AGBL4: variants seen among roughly 807,000 people sequenced by gnomAD.
AGBL4 encodes the protein cytosolic carboxypeptidase 6.
A neutral mutation model predicts 66.4 loss-of-function variants in AGBL4; 58 were observed. The ratio of observed to expected loss-of-function variants is 0.87; its 90% CI spans 0.71 to 1.09. AGBL4 has a LOEUF of 1.09. AGBL4 is among the 50% of genes least tolerant of loss of function. AGBL4 has a pLI of 0.00. For missense variants in AGBL4, 579 were observed against 631.0 expected (o/e 0.92, Z 0.88); for synonymous variants, 234 against 222.9 (o/e 1.05, Z -0.44).
At chr1:48,580,929 T>C (rs1022821249) in intron 11 of AGBL4, among the ~76,000 whole-genome samples, 1 of 152,080 alleles carries the variant, frequency 6.6e-6, no homozygotes, top group Admixed American at 6.6e-5. Context: ...CCCTCTGCAT[T>C]CCATTCATCC....
rs1044503257 is a variant in AGBL4 at position 48,650,326 on chromosome 1, C to A, written c.839+3011G>T. Among the ~76,000 whole-genome samples the A allele has an allele frequency of 2.6e-5, 4 of 152,316 alleles. No homozygotes were observed. In the South Asian group the frequency reaches 8.3e-4, roughly 32 times the overall value. On this transcript the variant is annotated intron_variant, in intron 8 of 13. Transcript: ENST00000371839. ...GAGGGAGATGTTGAGAGAATGAAAG[C>A]TAAAGAGCATGAGAGAGAGGCAAAG...
chr1:49,370,928 G>A (rs1644327811), intron 3 of AGBL4, among the ~76,000 whole-genome samples: 1 of 152,104 alleles, frequency 6.6e-6, no homozygotes, highest in Non-Finnish European at 1.5e-5. Flanking sequence ...TAATGTGGGT[G>A]GGCCTCATCC....
intron 4 of AGBL4, among the ~76,000 whole-genome samples, chr1:49,089,524 G>A (rs931835385): frequency 4.2e-4 from 64 of 151,852 alleles, no homozygotes; most frequent in African/African-American, 1.5e-3. Flanking sequence ...TTCTTGAAAT[G>A]TCTATACAAG....
chr1:49,281,207 C>A (rs1644265296), intron 3 of AGBL4, among the ~76,000 whole-genome samples: 1 of 152,156 alleles, frequency 6.6e-6, no homozygotes, highest in Non-Finnish European at 1.5e-5. Context: ...CTCTCTCACA[C>A]AAAATTTGGT....
chr1:49,799,939 G>A (rs1426431959), intron 2 of AGBL4, among the ~76,000 whole-genome samples: 1 of 151,994 alleles, frequency 6.6e-6, no homozygotes, highest in Non-Finnish European at 1.5e-5. Flanking sequence ...AATATTGAGA[G>A]GTTTGCAGGA....
intron 6 of AGBL4, among the ~76,000 whole-genome samples, chr1:48,802,033 T>A (rs1322481312): frequency 6.6e-6 from 1 of 152,170 alleles, no homozygotes; most frequent in Admixed American, 6.5e-5. Flanking sequence ...AAATGAGCTA[T>A]GTTAATTTCC....
At chr1:49,622,129 T>G (rs1645372359) in intron 3 of AGBL4, among the ~76,000 whole-genome samples, 1 of 152,202 alleles carries the variant, frequency 6.6e-6, no homozygotes, top group Non-Finnish European at 1.5e-5. Flanking sequence ...GTCATATTGT[T>G]ATTCTGGTAG....
chr1:48,791,822 G>A (rs930806745), intron 6 of AGBL4, among the ~76,000 whole-genome samples: 2 of 152,132 alleles, frequency 1.3e-5, no homozygotes, highest in African/African-American at 4.8e-5. Context: ...ATAAAAAAAA[G>A]TTTGATTTAG....
intron 6 of AGBL4, chr1:48,742,878 C>T (rs1650135220): frequency 8.5e-7 from 1 of 1,180,382 alleles, no homozygotes; most frequent in South Asian, 2.0e-5. Flanking sequence ...AATTTGCTAG[C>T]TTATTTTTGT....
chr1:49,916,636 T>A (rs1277775623), intron 1 of AGBL4, among the ~76,000 whole-genome samples: 1 of 152,080 alleles, frequency 6.6e-6, no homozygotes, highest in Non-Finnish European at 1.5e-5. Context: ...ACGGGGAGAA[T>A]GGAACCAAGT....
intron 1 of AGBL4, among the ~76,000 whole-genome samples, chr1:50,004,771 C>G (rs1661010687): frequency 6.6e-6 from 1 of 152,132 alleles, no homozygotes; most frequent in African/African-American, 2.4e-5. Context: ...GCAACTGTAT[C>G]CAGGCAGTGG....
chr1:49,519,464 C>A (rs1365955245), intron 3 of AGBL4, among the ~76,000 whole-genome samples: 1 of 151,988 alleles, frequency 6.6e-6, no homozygotes, highest in African/African-American at 2.4e-5. Flanking sequence ...TTATTTAATA[C>A]CGGAGTTCAT....
At chr1:48,658,259 G>C (rs1038348867) in intron 7 of AGBL4, among the ~76,000 whole-genome samples, 1 of 152,236 alleles carries the variant, frequency 6.6e-6, no homozygotes, top group Non-Finnish European at 1.5e-5. Flanking sequence ...ATCTGCATGT[G>C]ATTTGTGGAA....
chr1:49,307,293 A>C (rs998203116), intron 3 of AGBL4, among the ~76,000 whole-genome samples: 6 of 152,182 alleles, frequency 3.9e-5, no homozygotes, highest in African/African-American at 1.4e-4. Flanking sequence ...TCTATTTGAC[A>C]AACTCCAAAT....
chr1:49,181,203 A>C (rs1460930465), intron 4 of AGBL4, among the ~76,000 whole-genome samples: 1 of 152,166 alleles, frequency 6.6e-6, no homozygotes, highest in Non-Finnish European at 1.5e-5. Context: ...CCACCTCCAC[A>C]TGTGCCCAAT....
At chr1:49,631,155 T>G (rs1645562945) in intron 3 of AGBL4, among the ~76,000 whole-genome samples, 1 of 152,190 alleles carries the variant, frequency 6.6e-6, no homozygotes, top group Non-Finnish European at 1.5e-5. Flanking sequence ...AATGTCCCTG[T>G]CCCATATTTA....
intron 2 of AGBL4, chr1:49,845,661 C>T: frequency 1.2e-6 from 2 of 1,607,520 alleles, no homozygotes; most frequent in Non-Finnish European, 1.7e-6. Flanking sequence ...GAGAAAAGCC[C>T]TGTGAGTGCA....
rs566335781 is a variant in AGBL4, at chr1:49,873,193, T to C, written c.35-21675A>G. ...TCCAGGATTGTTCTCCCTTTTTGTT[T>C]GCTTGTTTTCTTTCTCTCTTCCTCT... On this transcript the variant is annotated intron_variant, in intron 1 of 13. Coordinates refer to ENST00000371839, the MANE Select transcript of AGBL4 (RefSeq NM_032785.4). Among the ~76,000 whole-genome samples the C allele has an allele frequency of 2.6e-5, 4 of 152,148 alleles. No individual in the cohort carries two copies. In the East Asian group the frequency reaches 7.7e-4, roughly 29 times the overall value.
At chr1:48,860,321 A>G (rs1384693372) in intron 6 of AGBL4, among the ~76,000 whole-genome samples, 1 of 152,244 alleles carries the variant, frequency 6.6e-6, no homozygotes, top group East Asian at 1.9e-4. Context: ...GAAAAAAGAA[A>G]TGAAACTATA....
Sources: allele counts gnomAD v4.1 joint callset (sites outside exome capture counted in the v4.1 genomes callset), GRCh38; gene constraint gnomAD v4.1.1; transcripts MANE v1.5; gene names NCBI Gene and HGNC (gene_info 2026-07-23, HGNC 2026-07-21).